The following KCNH7 variants were observed in gnomAD, a reference collection of about 807,000 sequenced individuals.
The protein encoded by KCNH7 is potassium voltage-gated channel subfamily H member 7.
A neutral mutation model predicts 120.8 loss-of-function variants in KCNH7; 49 were observed. That is an observed-to-expected ratio of 0.41 (90% CI 0.32 to 0.51). The LOEUF is 0.51. Among genes scored for constraint, KCNH7 ranks in the 20% least tolerant of loss-of-function variants. The pLI is 0.38. For missense variants in KCNH7, 1,097 were observed against 1,446.6 expected (o/e 0.76, Z 3.92); for synonymous variants, 547 against 516.1 (o/e 1.06, Z -0.81).
At chr2:162,785,970 C>T (rs990085825) in intron 2 of KCNH7, among the ~76,000 whole-genome samples, 2 of 152,020 alleles carry the variant, frequency 1.3e-5, no homozygotes, top group East Asian at 1.9e-4. Flanking sequence ...GGGCTGGGCG[C>T]GGTGGCTCAT....
chr2:162,584,791 G>C (rs1265268351), intron 2 of KCNH7, among the ~76,000 whole-genome samples: 1 of 151,178 alleles, frequency 6.6e-6, no homozygotes, highest in Non-Finnish European at 1.5e-5. Flanking sequence ...TAGAAAGAAA[G>C]AAGTCATGGG....
At position 162,838,542 on chromosome 2, in the gene KCNH7, C is replaced by A; in HGVS notation, c.-24G>T. 6.3e-7 allele frequency: 1 copy of A among 1,592,134 alleles called. No homozygotes were observed. The highest frequency in any genetic ancestry group is 8.6e-7 in the Non-Finnish European group (1 of 1,163,870). ...ATGTTGGCCCCGGTCTTCCGAGGAGCGCTCCCCCGGAGCTCTGGAGTTCTC... is the reference window on the plus strand; with the variant it reads ...ATGTTGGCCCCGGTCTTCCGAGGAGAGCTCCCCCGGAGCTCTGGAGTTCTC... On this transcript the variant is annotated 5_prime_UTR_variant, in exon 1 of 16. Coordinates refer to ENST00000332142, the MANE Select transcript of KCNH7 (RefSeq NM_033272.4).
intron 2 of KCNH7, among the ~76,000 whole-genome samples, chr2:162,540,205 AAGAAGC>A (rs1231412622): frequency 2.1e-5 from 3 of 144,022 alleles, no homozygotes; most frequent in Admixed American, 6.7e-5. Context: ...AATGTTTGTT[AAGAAGC>A]AGATTATTTA....
In KCNH7 at chr2:162,772,856, C is replaced by T. The variant is rs190066980; in HGVS notation, c.307+63681G>A. ...CCCTGTGTTTGAGAATCTTATACAG[C>T]GGAGGAAATAGACATATATAACTCA... On this transcript the variant is annotated intron_variant, in intron 2 of 15. Coordinates refer to ENST00000332142, the MANE Select transcript of KCNH7 (RefSeq NM_033272.4). Among the ~76,000 whole-genome samples the T allele has an allele frequency of 3.4e-4, 52 of 152,144 alleles. No homozygotes were observed. In the East Asian group the frequency reaches 6.4e-3, roughly 19 times the overall value.
intron 6 of KCNH7, among the ~76,000 whole-genome samples, chr2:162,485,905 T>C (rs889618344): frequency 1.3e-5 from 2 of 152,190 alleles, no homozygotes; most frequent in African/African-American, 4.8e-5. Flanking sequence ...ATCCTTTTTT[T>C]CCCTTTTGAC....
chr2:162,492,816 G>A (rs1409747217), intron 6 of KCNH7, among the ~76,000 whole-genome samples: 2 of 142,270 alleles, frequency 1.4e-5, no homozygotes, highest in East Asian at 2.1e-4. Flanking sequence ...GGATCTCCAA[G>A]CTATAGATAT....
chr2:162,701,222 T>C (rs1377286469), intron 2 of KCNH7, among the ~76,000 whole-genome samples: 1 of 152,174 alleles, frequency 6.6e-6, no homozygotes, highest in Non-Finnish European at 1.5e-5. Flanking sequence ...CTCATTTCTG[T>C]GGTTATTTTT....
At chr2:162,671,392 G>GTTT (rs71410023) in intron 2 of KCNH7, among the ~76,000 whole-genome samples, 21,921 of 143,126 alleles carry the variant, frequency 0.15, 1,834 homozygotes, top group East Asian at 0.38. Flanking sequence ...ATGAAATCAT[G>GTTT]TTTTTTTTTT....
chr2:162,389,470 G>A (rs887255291), intron 12 of KCNH7, among the ~76,000 whole-genome samples: 5 of 151,970 alleles, frequency 3.3e-5, no homozygotes, highest in Non-Finnish European at 5.9e-5. Flanking sequence ...TTTTGGAAAA[G>A]GAAGCAGGAA....
intron 2 of KCNH7, among the ~76,000 whole-genome samples, chr2:162,622,989 T>C (rs748079056): frequency 6.6e-6 from 1 of 152,018 alleles, no homozygotes; most frequent in Non-Finnish European, 1.5e-5. Flanking sequence ...AGCCCAAAGA[T>C]AGAAAAAAGG....
intron 2 of KCNH7, among the ~76,000 whole-genome samples, chr2:162,772,232 G>A (rs1263942577): frequency 6.6e-6 from 1 of 152,180 alleles, no homozygotes; most frequent in African/African-American, 2.4e-5. Context: ...GACAGACCAT[G>A]AGGTCCCAGG....
intron 2 of KCNH7, among the ~76,000 whole-genome samples, chr2:162,712,267 G>A (rs1044222332): frequency 6.7e-6 from 1 of 149,316 alleles, no homozygotes; most frequent in Non-Finnish European, 1.5e-5. Flanking sequence ...TGTGATGCAC[G>A]TTTTTTTTTT....
At chr2:162,633,945 A>G (rs1683853908) in intron 2 of KCNH7, among the ~76,000 whole-genome samples, 1 of 152,144 alleles carries the variant, frequency 6.6e-6, no homozygotes, top group East Asian at 1.9e-4. Flanking sequence ...ATCTTTGTAC[A>G]TATTGAATAA....
At chr2:162,720,986 A>G (rs1254720757) in intron 2 of KCNH7, among the ~76,000 whole-genome samples, 1 of 152,174 alleles carries the variant, frequency 6.6e-6, no homozygotes, top group Non-Finnish European at 1.5e-5. Flanking sequence ...AAAACAATAA[A>G]TCAAATCCTG....
At chr2:162,686,951 A>G (rs1473259957) in intron 2 of KCNH7, among the ~76,000 whole-genome samples, 1 of 152,128 alleles carries the variant, frequency 6.6e-6, no homozygotes, top group East Asian at 1.9e-4. Context: ...TTTTTAGAAG[A>G]AAGTATTTCT....
At chr2:162,418,505 T>G (rs1222664041) in intron 9 of KCNH7, among the ~76,000 whole-genome samples, 1 of 152,198 alleles carries the variant, frequency 6.6e-6, no homozygotes, top group African/African-American at 2.4e-5. Context: ...TCACAAGAAT[T>G]GTTTTCATCG....
At chr2:162,452,879 ATTCGTTTCTAGG>A (rs1688818204) in intron 6 of KCNH7, among the ~76,000 whole-genome samples, 1 of 152,088 alleles carries the variant, frequency 6.6e-6, no homozygotes, top group Non-Finnish European at 1.5e-5. Flanking sequence ...TTCTTTTAAT[ATTCGTTTCTAGG>A]AAACGGTTGG....
intron 14 of KCNH7, among the ~76,000 whole-genome samples, chr2:162,374,666 AT>A (rs1224734840): frequency 6.6e-6 from 1 of 152,156 alleles, no homozygotes; most frequent in African/African-American, 2.4e-5. Context: ...TTAGCTTTTG[AT>A]TTGATAGAGA....
chr2:162,767,365 C>T (rs1682860645), intron 2 of KCNH7, among the ~76,000 whole-genome samples: 1 of 151,926 alleles, frequency 6.6e-6, no homozygotes, highest in African/African-American at 2.4e-5. Flanking sequence ...TTTACATTTC[C>T]ACAAACAATA....
Sources: gnomAD v4.1 joint callset for allele counts (sites outside exome capture counted in the v4.1 genomes callset) on GRCh38, gnomAD v4.1.1 for gene constraint, MANE v1.5 for transcripts, NCBI Gene and HGNC (gene_info 2026-07-23, HGNC 2026-07-21) for gene names.